Variants in THSD7A observed in about 807,000 individuals in gnomAD.
THSD7A encodes thrombospondin type 1 domain containing 7A, also known as thrombospondin type-1 domain-containing protein 7A.
A neutral mutation model predicts 231.3 loss-of-function variants in THSD7A; 96 were observed. The observed-to-expected ratio is 0.41, with a 90% CI of 0.35 to 0.49. The LOEUF (loss-of-function observed/expected upper bound fraction) is 0.49. Among genes scored for constraint, THSD7A ranks in the 20% least tolerant of loss-of-function variants. The pLI is 0.05. For missense variants in THSD7A, 2,290 were observed against 2,070.2 expected, an observed-to-expected ratio of 1.11 and a Z score of -2.06; for synonymous variants, 940 against 743.3, an observed-to-expected ratio of 1.26 and a Z score of -4.30.
intron 4 of THSD7A, among the ~76,000 whole-genome samples, chr7:11,576,547 T>G (rs897158395): frequency 1.3e-5 from 2 of 152,180 alleles, no homozygotes; most frequent in Non-Finnish European, 2.9e-5. Context: ...TAATGTCAAG[T>G]GTGGGATAGA....
chr7:11,483,801 C>T (rs1041053786), intron 6 of THSD7A, among the ~76,000 whole-genome samples: 5 of 152,050 alleles, frequency 3.3e-5, no homozygotes, highest in African/African-American at 1.2e-4. Flanking sequence ...CTATAGCTAA[C>T]AAACGTCATA....
At chr7:11,738,464 G>T (rs1254831271) in intron 1 of THSD7A, among the ~76,000 whole-genome samples, 1 of 152,002 alleles carries the variant, frequency 6.6e-6, no homozygotes, top group Non-Finnish European at 1.5e-5. Context: ...GTAAGATAGT[G>T]CTAGCAATAC....
At chr7:11,736,323 G>A (rs1781910773) in intron 1 of THSD7A, among the ~76,000 whole-genome samples, 2 of 151,894 alleles carry the variant, frequency 1.3e-5, no homozygotes, top group South Asian at 4.2e-4. Context: ...GGCCAGGCAT[G>A]GTGACTCACA....
intron 6 of THSD7A, among the ~76,000 whole-genome samples, chr7:11,491,016 C>A (rs1398084286): frequency 6.6e-6 from 1 of 152,064 alleles, no homozygotes; most frequent in East Asian, 1.9e-4. Flanking sequence ...AATGGATCTG[C>A]TCCATTCTAA....
At chr7:11,572,808 T>C (rs747594670) in intron 4 of THSD7A, among the ~76,000 whole-genome samples, 1 of 152,146 alleles carries the variant, frequency 6.6e-6, no homozygotes, top group Non-Finnish European at 1.5e-5. Flanking sequence ...TTCTTATATC[T>C]AGGCCATCTC....
In THSD7A at chr7:11,578,381, A is replaced by G. The variant is rs1213035554; in HGVS notation, c.1453+12079T>C. Among the ~76,000 whole-genome samples, 5 of 152,352 alleles carry G rather than the reference A, an allele frequency of 3.3e-5. No individual in the cohort carries two copies. In the East Asian group the frequency reaches 9.6e-4, roughly 29 times the overall value. ...TTAGTGCAAAAGATAGGTTAATTCAAAATGAAACCTTATAAATTAAATGTC... is the reference window on the plus strand; with the variant it reads ...TTAGTGCAAAAGATAGGTTAATTCAGAATGAAACCTTATAAATTAAATGTC... On this transcript the variant is annotated intron_variant, in intron 4 of 27. Transcript: ENST00000423059.
chr7:11,636,491 C>A lies in THSD7A; in HGVS notation c.661G>T (p.Val221Leu), dbSNP rs369994604. 5 of 1,613,816 alleles carry A rather than the reference C, an allele frequency of 3.1e-6. No homozygotes were observed. The South Asian group carries it at 5.5e-5, about 18-fold the overall frequency. ...GSGLQHRTRH[V>L]VAPPQFGGSG... The stretch of plus-strand genomic sequence containing the variant: ...CCTCCGAACTGCGGGGGCGCCACCA[C>A]ATGACGCGTCCGGTGCTGGAGCCCG... Residue 221 changes from valine (V) to leucine (L), a missense_variant, in exon 2 of 28, where the codon GTG becomes TTG. Transcript: ENST00000423059. The surrounding 1 kb of genome is among the most constrained non-coding windows in gnomAD (Gnocchi z 10.0).
intron 1 of THSD7A, among the ~76,000 whole-genome samples, chr7:11,656,577 T>C (rs554346451): frequency 1.3e-5 from 2 of 152,016 alleles, no homozygotes; most frequent in Admixed American, 6.6e-5. Context: ...GTTTAGATCA[T>C]GTGTGTTTTT....
At chr7:11,423,777 T>C (rs1315227067) in intron 16 of THSD7A, among the ~76,000 whole-genome samples, 1 of 152,148 alleles carries the variant, frequency 6.6e-6, no homozygotes, top group Non-Finnish European at 1.5e-5. Flanking sequence ...GGTACATTAT[T>C]TAGCACTTGG....
chr7:11,780,338 A>C (rs542377509), intron 1 of THSD7A, among the ~76,000 whole-genome samples: 1 of 152,318 alleles, frequency 6.6e-6, no homozygotes, highest in East Asian at 1.9e-4. Context: ...CTATATAACC[A>C]ATAGAATACT....
At chr7:11,642,385 G>A (rs1046772563) in intron 1 of THSD7A, among the ~76,000 whole-genome samples, 81 of 152,202 alleles carry the variant, frequency 5.3e-4, no homozygotes, top group African/African-American at 1.9e-3. Flanking sequence ...TAAAGGACAG[G>A]CAGCTTTCCA....
rs565496767 is a variant in THSD7A at position 11,497,300 on chromosome 7, A to G, written c.1823-15318T>C. Among the ~76,000 whole-genome samples the G allele has an allele frequency of 9.4e-4, 143 of 152,302 alleles. 2 individuals carry two copies. The highest frequency in any genetic ancestry group is 1.9e-4 in the Non-Finnish European group (13 of 68,028). On this transcript the variant is annotated intron_variant, in intron 6 of 27. Coordinates refer to ENST00000423059, the MANE Select transcript of THSD7A (RefSeq NM_015204.3). ...ATGTGTGGGGATTATGGGAACTACA[A>G]TTTAAAATGAGATTTGGTTGAGGAC...
At chr7:11,675,296 C>T (rs1051640018) in intron 1 of THSD7A, among the ~76,000 whole-genome samples, 1 of 152,256 alleles carries the variant, frequency 6.6e-6, no homozygotes, top group Middle Eastern at 3.4e-3. Context: ...CCCTTGGATG[C>T]CTATACCACA....
chr7:11,827,950 CT>C (rs750755843), intron 1 of THSD7A, among the ~76,000 whole-genome samples: 6 of 152,272 alleles, frequency 3.9e-5, no homozygotes, highest in Middle Eastern at 3.4e-3. Flanking sequence ...ACTGTGTCTT[CT>C]GCACCCTAAA....
At chr7:11,669,141 A>G (rs1030354292) in intron 1 of THSD7A, among the ~76,000 whole-genome samples, 7 of 152,206 alleles carry the variant, frequency 4.6e-5, no homozygotes, top group African/African-American at 1.7e-4. Flanking sequence ...AATGTGAAAG[A>G]GCAGAATAAA....
intron 3 of THSD7A, among the ~76,000 whole-genome samples, chr7:11,592,304 T>A (rs1780198539): frequency 6.6e-6 from 1 of 152,198 alleles, no homozygotes; most frequent in African/African-American, 2.4e-5. Flanking sequence ...TAGTAGTAAT[T>A]TGCCTCCCCA....
At chr7:11,781,385 T>G (rs1583286076) in intron 1 of THSD7A, among the ~76,000 whole-genome samples, 1 of 151,270 alleles carries the variant, frequency 6.6e-6, no homozygotes, top group African/African-American at 2.4e-5. Context: ...AGCCCAGGAG[T>G]TTCAGGCTGC....
At position 11,469,947 on chromosome 7, in the gene THSD7A, G is replaced by T; in HGVS notation, c.2300C>A (p.Pro767His). 1 of 1,601,764 alleles carries T rather than the reference G, an allele frequency of 6.2e-7. No individual in the cohort carries two copies. Among genetic ancestry groups the T allele is most frequent in the Non-Finnish European group, 8.5e-7 (1 of 1,173,554 alleles). The change falls in exon 9 of 28, where the codon CCT becomes CAT. Residue 767 changes from proline (P) to histidine (H), a missense_variant. Transcript: ENST00000423059. The part of the protein sequence containing the change: ...RPETVRPCLL[P>H]CKKDCIVTPY... The stretch of plus-strand genomic sequence containing the variant: ...GGTCACAATACAGTCCTTCTTACAA[G>T]GAAGCAGACAAGGCCTTACAGTTTC...
chr7:11,570,692 G>A (rs1221560202), intron 4 of THSD7A, among the ~76,000 whole-genome samples: 2 of 152,162 alleles, frequency 1.3e-5, no homozygotes, highest in African/African-American at 4.8e-5. Flanking sequence ...AGAACTACCT[G>A]TTTTAAAATC....
Sources: gnomAD v4.1 joint callset for allele counts (sites outside exome capture counted in the v4.1 genomes callset) on GRCh38, gnomAD v4.1.1 for gene constraint, Gnocchi (gnomAD v3.1) non-coding constraint, MANE v1.5 for transcripts, NCBI Gene and HGNC (gene_info 2026-07-23, HGNC 2026-07-21) for gene names.